Variants in ADAMTS6 observed in about 807,000 individuals in gnomAD.
ADAMTS6 encodes the protein ADAM metallopeptidase with thrombospondin type 1 motif 6.
ADAMTS6 carries 23 observed loss-of-function variants against 144.3 expected under a neutral mutation model. The observed-to-expected ratio is 0.16, with a 90% CI of 0.11 to 0.23. ADAMTS6 has a LOEUF of 0.23. ADAMTS6 is among the 10% of genes least tolerant of loss of function. ADAMTS6 has a pLI of 1.00. For synonymous variants in ADAMTS6, 444 were observed against 457.5 expected (o/e 0.97, Z 0.38); for missense variants, 999 against 1,379.6 (o/e 0.72, Z 4.37).
At chr5:65,349,331 G>A (rs1748631793) in intron 7 of ADAMTS6, among the ~76,000 whole-genome samples, 1 of 151,744 alleles carries the variant, frequency 6.6e-6, no homozygotes, top group Non-Finnish European at 1.5e-5. Flanking sequence ...TTGAAAACTG[G>A]ACTTCATAAT....
At chr5:65,199,276 A>T (rs1182712536) in intron 20 of ADAMTS6, among the ~76,000 whole-genome samples, 1 of 152,214 alleles carries the variant, frequency 6.6e-6, no homozygotes, top group African/African-American at 2.4e-5. Context: ...TGGCAGAAAC[A>T]TTAATTCAGT....
At position 65,163,066 on chromosome 5, in the gene ADAMTS6, T is replaced by G. The variant is rs766309123; in HGVS notation, c.3244+7551A>C. 6.7e-4 allele frequency among the ~76,000 whole-genome samples: 102 copies of G among 152,190 alleles called. No individual in the cohort carries two copies. In the Middle Eastern group the frequency reaches 0.014, roughly 20 times the overall value. On this transcript the variant is annotated intron_variant, in intron 24 of 24. Transcript: ENST00000381055. ...CTATGACTACAGCCACATACCACCA[T>G]GCCTAGCTAACTTTTTTATTTTTTG...
intron 22 of ADAMTS6, among the ~76,000 whole-genome samples, chr5:65,179,687 A>T (rs942447137): frequency 2.6e-5 from 4 of 151,316 alleles, no homozygotes; most frequent in Admixed American, 2.6e-4. Context: ...CACCTTCAGA[A>T]AAAAAAAATG....
In ADAMTS6 at chr5:65,291,311, A is replaced by C. The variant is rs1363277388; in HGVS notation, c.1512+18T>G. ...GAACACGTATAAATGACGAAACATA[A>C]GGATGAAGACTTCTTACCCCATATT... is the stretch of plus-strand genomic sequence containing the variant. On this transcript the variant is annotated intron_variant, in intron 11 of 24. Coordinates refer to ENST00000381055, the MANE Select transcript of ADAMTS6 (RefSeq NM_197941.4). 6.3e-7 allele frequency: 1 copy of C among 1,599,570 alleles called. No individual in the cohort carries two copies. Among genetic ancestry groups the C allele is most frequent in the African/African-American group, 1.3e-5 (1 of 74,388 alleles).
chr5:65,300,644 T>A (rs1313161167), intron 9 of ADAMTS6, among the ~76,000 whole-genome samples: 2 of 152,046 alleles, frequency 1.3e-5, no homozygotes, highest in African/African-American at 2.4e-5. Context: ...CTTTCTTTTT[T>A]TTTTTGAGAC....
At chr5:65,325,201 A>G (rs930886451) in intron 9 of ADAMTS6, among the ~76,000 whole-genome samples, 1 of 152,142 alleles carries the variant, frequency 6.6e-6, no homozygotes, top group African/African-American at 2.4e-5. Flanking sequence ...AGAAATGTTC[A>G]TATCTTGATT....
intron 18 of ADAMTS6, among the ~76,000 whole-genome samples, chr5:65,219,425 T>G (rs970317756): frequency 2.6e-5 from 4 of 152,176 alleles, no homozygotes; most frequent in Admixed American, 2.0e-4. Context: ...AAATCAAGAT[T>G]AAACTACATG....
chr5:65,199,950 G>T (rs1413624837), intron 20 of ADAMTS6, among the ~76,000 whole-genome samples: 1 of 152,074 alleles, frequency 6.6e-6, no homozygotes, highest in Non-Finnish European at 1.5e-5. Context: ...TATTTTTTAT[G>T]AAGTAAAAAT....
chr5:65,219,077 GA>G (rs910905585), intron 18 of ADAMTS6, among the ~76,000 whole-genome samples: 1 of 151,428 alleles, frequency 6.6e-6, no homozygotes, highest in Non-Finnish European at 1.5e-5. Flanking sequence ...GGATTAAACG[GA>G]AAAAAAACAC....
At chr5:65,471,274 G>A in intron 2 of ADAMTS6, 132 bp from the exon 3 acceptor site, 1 of 857,310 alleles carries the variant, frequency 1.2e-6, no homozygotes, top group South Asian at 2.7e-5. Context: ...TGTGAGGTAT[G>A]TACAAAAAAA....
chr5:65,215,413 C>G lies in ADAMTS6; in HGVS notation c.2347G>C (p.Ala783Pro). ...TIDWPRKFDV[A>P]GTAFHYKRPT... ...CTCTTGTAATGAAAAGCTGTCCCAG[C>G]AACATCAAATTTCCTAGGCCAGTCA... The change falls in exon 19 of 25, where the codon GCT becomes CCT. Residue 783 changes from alanine to proline, a missense_variant. Physicochemically the swap from Ala to Pro is conservative, Grantham distance 27. Coordinates refer to ENST00000381055, the MANE Select transcript of ADAMTS6 (RefSeq NM_197941.4). 3.1e-6 allele frequency: 5 copies of G among 1,614,010 alleles called. No homozygotes were observed. The highest frequency in any genetic ancestry group is 4.2e-6 in the Non-Finnish European group (5 of 1,179,934).
At chr5:65,232,697 A>T (rs1293963971) in intron 15 of ADAMTS6, among the ~76,000 whole-genome samples, 2 of 131,416 alleles carry the variant, frequency 1.5e-5, no homozygotes, top group Non-Finnish European at 3.1e-5. Flanking sequence ...TTGAAACAGT[A>T]AAAAAAAAAA....
intron 3 of ADAMTS6, among the ~76,000 whole-genome samples, chr5:65,468,010 C>T (rs1312915498): frequency 6.6e-6 from 1 of 151,910 alleles, no homozygotes; most frequent in Non-Finnish European, 1.5e-5. Context: ...GATAAAGAAA[C>T]GATATTTTTT....
At position 65,157,093 on chromosome 5, in the gene ADAMTS6, G is replaced by A. The variant is rs113272619; in HGVS notation, c.3245-5148C>T. 5.8e-3 allele frequency among the ~76,000 whole-genome samples: 880 copies of A among 152,334 alleles called. 10 individuals are homozygous for A. Among genetic ancestry groups the A allele is most frequent in the African/African-American group, 0.019 (771 of 41,582 alleles). On this transcript the variant is annotated intron_variant, in intron 24 of 24. Coordinates refer to ENST00000381055, the MANE Select transcript of ADAMTS6 (RefSeq NM_197941.4). ...AAGGGCTGAAAGCCAGCCCCTAGGC[G>A]CTGAAATGTGAACTGGATCCATTAT...
chr5:65,150,338 T>TA lies in ADAMTS6; in HGVS notation c.*1497dup, dbSNP rs976066423. ...CTGCTGCAAGCTACACGTGTTCAAG[T>TA]AAAAAATATTAATATAAACAAGTAC... On this transcript the variant is annotated 3_prime_UTR_variant, in exon 25 of 25. Coordinates refer to ENST00000381055, the MANE Select transcript of ADAMTS6 (RefSeq NM_197941.4). 3 of 152,486 alleles carry TA rather than the reference T, an allele frequency of 2.0e-5. No homozygotes were observed. Among genetic ancestry groups the TA allele is most frequent in the Admixed American group, 2.0e-4 (3 of 15,262 alleles). 9.4% of individuals were successfully genotyped at this position (152,486 alleles called of 1,614,324 possible).
intron 7 of ADAMTS6, among the ~76,000 whole-genome samples, chr5:65,423,702 A>G (rs1467759119): frequency 6.6e-6 from 1 of 152,156 alleles, no homozygotes; most frequent in African/African-American, 2.4e-5. Context: ...AAGAATAAAC[A>G]AAAGTATGAC....
At chr5:65,293,301 C>G (rs1302839201) in intron 10 of ADAMTS6, among the ~76,000 whole-genome samples, 1 of 151,798 alleles carries the variant, frequency 6.6e-6, no homozygotes, top group African/African-American at 2.4e-5. Flanking sequence ...AAGTTAAGTA[C>G]TACTATAAAT....
chr5:65,284,654 A>G (rs1429060355), intron 11 of ADAMTS6, among the ~76,000 whole-genome samples: 1 of 152,106 alleles, frequency 6.6e-6, no homozygotes, highest in Non-Finnish European at 1.5e-5. Context: ...CCACTTGTAG[A>G]TTATTCTATC....
At chr5:65,339,377 C>T (rs889358868) in intron 7 of ADAMTS6, among the ~76,000 whole-genome samples, 5 of 151,304 alleles carry the variant, frequency 3.3e-5, no homozygotes, top group Non-Finnish European at 7.4e-5. Flanking sequence ...ATGAAACCTA[C>T]TCCATAAAAT....
Sources: allele counts gnomAD v4.1 joint callset (sites outside exome capture counted in the v4.1 genomes callset), GRCh38; gene constraint gnomAD v4.1.1; transcripts MANE v1.5; gene names NCBI Gene and HGNC (gene_info 2026-07-23, HGNC 2026-07-21).